The following SMS variants were observed in gnomAD, a reference collection of about 807,000 sequenced individuals.
SMS encodes spermine synthase.
In SMS, 3 loss-of-function variants were observed where a neutral mutation model predicts 33.0. The ratio of observed to expected loss-of-function variants is 0.09; its 90% confidence interval spans 0.04 to 0.23. SMS has a LOEUF of 0.23. SMS is among the 10% of genes least tolerant of loss of function. SMS has a pLI of 1.00. For missense variants in SMS, 117 were observed against 288.6 expected, an observed-to-expected ratio of 0.41 and a Z score of 4.31; for synonymous variants, 103 against 112.2, an observed-to-expected ratio of 0.92 and a Z score of 0.52.
At chrX:21,980,880 C>T (rs1287458239) in intron 7 of SMS, among the ~76,000 whole-genome samples, 1 of 111,754 alleles carries the variant, frequency 8.9e-6, no homozygotes, top group Non-Finnish European at 1.9e-5. Flanking sequence ...ATTTCCTTCC[C>T]ACCCATTTCC....
chrX:21,988,870 G>A (rs1032168340), intron 9 of SMS, among the ~76,000 whole-genome samples: 2 of 110,318 alleles, frequency 1.8e-5, no homozygotes, highest in African/African-American at 6.6e-5. Context: ...GGGAATCAAA[G>A]TGGGCCAATA....
chrX:21,945,400 T>C (rs1922141643), intron 1 of SMS, among the ~76,000 whole-genome samples: 1 of 111,547 alleles, frequency 9.0e-6, no homozygotes, highest in Admixed American at 9.5e-5. Context: ...TTTGTGTCGC[T>C]CAAATTCACA....
chrX:21,964,051 T>A (rs1012834923), intron 1 of SMS, among the ~76,000 whole-genome samples: 3 of 102,975 alleles, frequency 2.9e-5, no homozygotes, highest in African/African-American at 1.1e-4. Context: ...TCTTACCAAG[T>A]TTGAAATCAG....
rs184965204 is a variant in SMS, at chrX:21,979,846, C to T, written c.750+880C>T. Among the ~76,000 whole-genome samples, 4 of 108,244 alleles carry T rather than the reference C, an allele frequency of 3.7e-5. No individual in the cohort carries two copies. The East Asian group carries it at 1.2e-3, about 31-fold the overall frequency. The allele number at this position is 108,244 out of a possible 115,157, so 94.0% of individuals were successfully genotyped here. ...CAGTATAAAAGTGTTCCTATTTCTC[C>T]TCATCCTCTCCAGCATCTGTTGCTT... On this transcript the variant is annotated intron_variant, in intron 7 of 10. Transcript: ENST00000404933.
intron 1 of SMS, among the ~76,000 whole-genome samples, chrX:21,953,958 A>T: frequency 1.1e-5 from 1 of 94,724 alleles, no homozygotes. Context: ...TAGGTTCTTG[A>T]AGTACTAGTG....
At chrX:21,971,836 CTCT>C in intron 2 of SMS, 58 bp from the exon 3 acceptor site, 153 of 766,402 alleles carry the variant, frequency 2.0e-4, no homozygotes, top group Middle Eastern at 4.4e-4. Context: ...CTCTCTCTCT[CTCT>C]TTTTTTTTTA....
At chrX:21,964,866 A>C (rs1923592010) in intron 1 of SMS, among the ~76,000 whole-genome samples, 1 of 112,229 alleles carries the variant, frequency 8.9e-6, no homozygotes, top group Non-Finnish European at 1.9e-5. Flanking sequence ...CAAATTGGAT[A>C]GTTTACAATG....
chrX:21,940,729 C>T lies in SMS; in HGVS notation c.-96C>T. The T allele has an allele frequency of 1.4e-6, 1 of 719,910 alleles. No individual in the cohort carries two copies. The highest frequency in any genetic ancestry group is 2.0e-6 in the Non-Finnish European group (1 of 502,814). The allele number at this position is 719,910 out of a possible 1,213,427, so 59.3% of individuals were successfully genotyped here. ...CTCCTAGTCCTGGCCTCCCCGGGCGCAGCACACTCCCAGCCGGCCGCAGCC... is the reference window on the plus strand; with the variant it reads ...CTCCTAGTCCTGGCCTCCCCGGGCGTAGCACACTCCCAGCCGGCCGCAGCC... On this transcript the variant is annotated 5_prime_UTR_variant, in exon 1 of 11. Transcript: ENST00000404933.
intron 1 of SMS, chrX:21,941,344 A>G: frequency 4.1e-6 from 1 of 246,660 alleles, no homozygotes; most frequent in Admixed American, 5.5e-5. Context: ...TGCCCGCGCG[A>G]CCTTTTCCTG....
At chrX:21,969,553 T>C (rs769054692) in intron 2 of SMS, among the ~76,000 whole-genome samples, 6 of 111,600 alleles carry the variant, frequency 5.4e-5, no homozygotes, top group African/African-American at 2.0e-4. Flanking sequence ...GAACTCATCA[T>C]CCACCGCCTC....
At chrX:21,991,326 T>C (rs996928865) in intron 9 of SMS, among the ~76,000 whole-genome samples, 2 of 110,998 alleles carry the variant, frequency 1.8e-5, no homozygotes, top group East Asian at 2.8e-4. Flanking sequence ...TACAGGCGCA[T>C]GCCACCACGC....
intron 1 of SMS, among the ~76,000 whole-genome samples, chrX:21,957,119 C>T (rs1299683373): frequency 9.3e-6 from 1 of 107,214 alleles, no homozygotes; most frequent in Non-Finnish European, 1.9e-5. Flanking sequence ...GCCTGGTGGG[C>T]AGCTTGTGGT....
intron 4 of SMS, among the ~76,000 whole-genome samples, chrX:21,972,916 CAAAAAAAAAA>C (rs981181175): frequency 2.5e-5 from 1 of 39,579 alleles, no homozygotes; most frequent in African/African-American, 8.7e-5. Context: ...GAGACTGTCT[CAAAAAAAAAA>C]AAAAAAAAAA....
intron 9 of SMS, among the ~76,000 whole-genome samples, chrX:21,988,925 G>A (rs1468122403): frequency 1.8e-5 from 2 of 109,442 alleles, no homozygotes; most frequent in African/African-American, 3.3e-5. Flanking sequence ...CCTAGGAGGC[G>A]GATCCTGGGA....
chrX:21,947,633 C>G (rs902652856), intron 1 of SMS, among the ~76,000 whole-genome samples: 2 of 111,455 alleles, frequency 1.8e-5, no homozygotes, highest in Non-Finnish European at 3.8e-5. Flanking sequence ...GCTACAGTCT[C>G]CCCATTTGTC....
chrX:21,956,277 A>T (rs773375732), intron 1 of SMS, among the ~76,000 whole-genome samples: 4 of 110,778 alleles, frequency 3.6e-5, no homozygotes, highest in Admixed American at 2.9e-4. Flanking sequence ...AAACCATTCT[A>T]TGAAAAAGTC....
intron 1 of SMS, among the ~76,000 whole-genome samples, chrX:21,958,418 C>A (rs1049070098): frequency 8.9e-6 from 1 of 112,250 alleles, no homozygotes; most frequent in African/African-American, 3.2e-5. Flanking sequence ...GAAGGCTCAG[C>A]GTGTTAGTTT....
rs143044310 is a variant in SMS at position 21,945,414 on chromosome X, T to G, written c.49+4541T>G. On this transcript the variant is annotated intron_variant, in intron 1 of 10. Coordinates refer to ENST00000404933, the MANE Select transcript of SMS (RefSeq NM_004595.5). ...ATTTGTGTCGCTCAAATTCACAAAT[T>G]CTATAACCTTGTTTAATAATTTAAG... Among the ~76,000 whole-genome samples the G allele has an allele frequency of 6.5e-3, 723 of 111,691 alleles. 2 individuals are homozygous for G. The highest frequency in any genetic ancestry group is 0.022 in the African/African-American group (688 of 30,695).
chrX:21,946,264 TTC>T (rs1922222665), intron 1 of SMS, among the ~76,000 whole-genome samples: 1 of 112,421 alleles, frequency 8.9e-6, no homozygotes, highest in Non-Finnish European at 1.9e-5. Context: ...AGACAGCCCG[TTC>T]CTTTTAGGGG....
Sources: gnomAD v4.1 joint callset for allele counts (sites outside exome capture counted in the v4.1 genomes callset) on GRCh38, gnomAD v4.1.1 for gene constraint, MANE v1.5 for transcripts, NCBI Gene and HGNC (gene_info 2026-07-23, HGNC 2026-07-21) for gene names.